The following CFDP1 variants were observed in gnomAD, a reference collection of about 807,000 sequenced individuals.
CFDP1 encodes the protein heterochromatin-stabilizing protein CFDP1.
CFDP1 carries 31 observed loss-of-function variants against 40.1 expected under a neutral mutation model. That is an observed-to-expected ratio of 0.77 (90% CI 0.58 to 1.04). The LOEUF (loss-of-function observed/expected upper bound fraction) is 1.04, where lower values mean the gene tolerates loss of function less well. CFDP1 is among the 50% of genes least tolerant of loss of function. CFDP1 has a pLI of 0.00. For missense variants in CFDP1, 423 were observed against 343.4 expected, an observed-to-expected ratio of 1.23 and a Z score of -1.83; for synonymous variants, 167 against 120.0, an observed-to-expected ratio of 1.39 and a Z score of -2.56.
intron 4 of CFDP1, among the ~76,000 whole-genome samples, chr16:75,407,462 A>C (rs987044482): frequency 1.3e-5 from 2 of 152,092 alleles, no homozygotes; most frequent in African/African-American, 2.4e-5. Flanking sequence ...GGATCACTTG[A>C]GTCCAGGAGG....
chr16:75,417,854 A>G (rs1033580967), intron 1 of CFDP1, among the ~76,000 whole-genome samples: 2 of 152,194 alleles, frequency 1.3e-5, no homozygotes, highest in South Asian at 4.1e-4. Flanking sequence ...AGTAACATCA[A>G]TGCTGGTATT....
intron 1 of CFDP1, among the ~76,000 whole-genome samples, chr16:75,428,047 T>C (rs1200942991): frequency 6.6e-6 from 1 of 151,826 alleles, no homozygotes; most frequent in East Asian, 1.9e-4. Context: ...ACTATAAAGA[T>C]GGAAAACAGA....
intron 5 of CFDP1, among the ~76,000 whole-genome samples, chr16:75,351,776 G>C (rs2078613021): frequency 6.6e-6 from 1 of 152,102 alleles, no homozygotes; most frequent in South Asian, 2.1e-4. Flanking sequence ...GGGAGGCTGA[G>C]GGAGGTGGAT....
Position 75,312,779 on chromosome 16 carries a change from T to C in CFDP1, c.651-7597A>G, listed in dbSNP as rs1216337195. 2.0e-5 allele frequency among the ~76,000 whole-genome samples: 3 copies of C among 152,292 alleles called. No homozygotes were observed. The East Asian group carries it at 5.8e-4, about 29-fold the overall frequency. On this transcript the variant is annotated intron_variant, in intron 5 of 6. Transcript: ENST00000283882. Reference sequence around the variant, plus strand: ...AAATTTTAGCTGACTTTGGTGCTATTTAAATGAAGAGCTCTTCCTATATAA... The same window carrying C: ...AAATTTTAGCTGACTTTGGTGCTATCTAAATGAAGAGCTCTTCCTATATAA...
chr16:75,420,720 G>T (rs1303721082), intron 1 of CFDP1, among the ~76,000 whole-genome samples: 1 of 152,156 alleles, frequency 6.6e-6, no homozygotes. Flanking sequence ...GTTGAAAAGC[G>T]ATGTGAGTAA....
chr16:75,391,457 G>A (rs1055666751), intron 5 of CFDP1: 5 of 152,218 alleles, frequency 3.3e-5, no homozygotes, highest in African/African-American at 7.2e-5. Context: ...TCAGGTTGCA[G>A]TTGATTGTGA....
chr16:75,421,868 AC>A (rs1261748286), intron 1 of CFDP1, among the ~76,000 whole-genome samples: 1 of 152,010 alleles, frequency 6.6e-6, no homozygotes, highest in Non-Finnish European at 1.5e-5. Flanking sequence ...CCACACCAAA[AC>A]CCACAGATGT....
chr16:75,306,907 A>G (rs1225266831), intron 5 of CFDP1, among the ~76,000 whole-genome samples: 3 of 149,126 alleles, frequency 2.0e-5, no homozygotes, highest in Non-Finnish European at 4.5e-5. Flanking sequence ...ACACACGCAC[A>G]CACACACACT....
intron 4 of CFDP1, among the ~76,000 whole-genome samples, chr16:75,407,926 GGT>G (rs1178772265): frequency 1.3e-5 from 2 of 152,004 alleles, no homozygotes; most frequent in Non-Finnish European, 2.9e-5. Flanking sequence ...TAGGCAAAAT[GGT>G]GAAACCCATC....
In CFDP1 at chr16:75,413,002, G is replaced by A. The variant is rs575263802; in HGVS notation, c.183-248C>T. On this transcript the variant is annotated intron_variant, in intron 2 of 6. Coordinates refer to ENST00000283882, the MANE Select transcript of CFDP1 (RefSeq NM_006324.3). Reference sequence around the variant, plus strand: ...CAATCACTTAAAATCAAAGTATAGCGTTCTCCTTCTAAATCAGGACCAGCT... The same window carrying A: ...CAATCACTTAAAATCAAAGTATAGCATTCTCCTTCTAAATCAGGACCAGCT... Among the ~76,000 whole-genome samples the A allele has an allele frequency of 2.3e-4, 35 of 150,444 alleles. No homozygotes were observed. The East Asian group carries it at 3.1e-3, about 13-fold the overall frequency.
At chr16:75,303,499 T>G (rs1597318923) in intron 6 of CFDP1, among the ~76,000 whole-genome samples, 2 of 74,458 alleles carry the variant, frequency 2.7e-5, no homozygotes, top group Non-Finnish European at 6.2e-5. Flanking sequence ...AATTTAGAAA[T>G]ATGACCCCCC....
In CFDP1 at chr16:75,426,923, C is replaced by T. The variant is rs368863599; in HGVS notation, c.64+6366G>A. The stretch of plus-strand genomic sequence containing the variant: ...TACAAAAATTAGCTGGGTGTGGTGG[C>T]GAGTGCTTGTAATCCCACCTACTTG... On this transcript the variant is annotated intron_variant, in intron 1 of 6. Transcript: ENST00000283882. Among the ~76,000 whole-genome samples, 14 of 151,566 alleles carry T rather than the reference C, an allele frequency of 9.2e-5. No homozygotes were observed. The East Asian group carries it at 9.8e-4, about 11-fold the overall frequency.
rs1227694267 is a variant in CFDP1, at chr16:75,433,465, GC to G, written c.-114del. On this transcript the variant is annotated 5_prime_UTR_variant, in exon 1 of 7. The change creates a premature stop within an existing upstream ORF in the 5' untranslated region. Coordinates refer to ENST00000283882, the MANE Select transcript of CFDP1 (RefSeq NM_006324.3). Reference sequence around the variant, plus strand: ...GGCGGCGGCGACGGCAGCTAGGGCGGCCCCCGACAGCGCTTTGCACATGCGC... The same window carrying G: ...GGCGGCGGCGACGGCAGCTAGGGCGGCCCCGACAGCGCTTTGCACATGCGC... 4 of 945,738 alleles carry G rather than the reference GC, an allele frequency of 4.2e-6. No homozygotes were observed. Among genetic ancestry groups the G allele is most frequent in the Admixed American group, 2.1e-5 (1 of 48,132 alleles). 58.6% of individuals were successfully genotyped at this position (945,738 alleles called of 1,614,324 possible).
chr16:75,422,297 C>T (rs779386784), intron 1 of CFDP1, among the ~76,000 whole-genome samples: 12 of 151,884 alleles, frequency 7.9e-5, no homozygotes, highest in Non-Finnish European at 1.6e-4. Flanking sequence ...AGGGTTTCAC[C>T]GTGTTGCCAG....
At chr16:75,367,101 T>A (rs1002016961) in intron 5 of CFDP1, among the ~76,000 whole-genome samples, 1 of 148,890 alleles carries the variant, frequency 6.7e-6, no homozygotes, top group East Asian at 2.0e-4. Flanking sequence ...GAGACAGAGG[T>A]TGCAGCGAGC....
intron 5 of CFDP1, among the ~76,000 whole-genome samples, chr16:75,376,490 A>G (rs1013184400): frequency 2.6e-5 from 4 of 152,204 alleles, no homozygotes; most frequent in Admixed American, 1.3e-4. Flanking sequence ...AGGCACAAAA[A>G]TTTAAAAAAT....
Position 75,433,242 on chromosome 16 carries a change from G to A in CFDP1, c.64+47C>T, listed in dbSNP as rs200875135. The A allele has an allele frequency of 3.0e-4, 466 of 1,531,428 alleles. 2 individuals carry two copies. In the African/African-American group the frequency reaches 5.8e-3, roughly 19 times the overall value. The allele number at this position is 1,531,428 out of a possible 1,614,324, so 94.9% of individuals were successfully genotyped here. On this transcript the variant is annotated intron_variant, in intron 1 of 6. Coordinates refer to ENST00000283882, the MANE Select transcript of CFDP1 (RefSeq NM_006324.3). Reference sequence around the variant, plus strand: ...GGGGGCAGAGCGCGCCTCACGTGAGGCGTGGGGCGGGGCAATTCGCTTCTC... The same window carrying A: ...GGGGGCAGAGCGCGCCTCACGTGAGACGTGGGGCGGGGCAATTCGCTTCTC...
chr16:75,392,490 A>C (rs1401337451), intron 5 of CFDP1, among the ~76,000 whole-genome samples: 1 of 152,170 alleles, frequency 6.6e-6, no homozygotes, highest in Admixed American at 6.5e-5. Flanking sequence ...AAATTCTATA[A>C]AACATTATTT....
intron 5 of CFDP1, among the ~76,000 whole-genome samples, chr16:75,361,302 C>T (rs1224445001): frequency 2.6e-5 from 4 of 152,198 alleles, no homozygotes; most frequent in Non-Finnish European, 4.4e-5. Context: ...TGAGTAACCA[C>T]ACCCAGGCAA....
Sources: allele counts gnomAD v4.1 joint callset (sites outside exome capture counted in the v4.1 genomes callset), GRCh38; gene constraint gnomAD v4.1.1; transcripts MANE v1.5; gene names NCBI Gene and HGNC (gene_info 2026-07-23, HGNC 2026-07-21).